The following MGAT4A variants were observed in gnomAD, a reference collection of about 807,000 sequenced individuals.
MGAT4A encodes N-acetylglucosaminyltransferase IVa.
Under a neutral mutation model 74.1 loss-of-function variants are expected in MGAT4A, and 33 were observed. That is an observed-to-expected ratio of 0.45 (90% confidence interval 0.34 to 0.60). MGAT4A has a LOEUF of 0.60. Among genes scored for constraint, MGAT4A ranks in the 20% least tolerant of loss-of-function variants. MGAT4A has a pLI of 0.02. For missense variants in MGAT4A, 479 were observed against 628.3 expected (o/e 0.76, Z 2.54); for synonymous variants, 198 against 210.4 (o/e 0.94, Z 0.51).
chr2:98,672,945 C>G lies in MGAT4A; in HGVS notation c.403+2090G>C, dbSNP rs1159506722. Among the ~76,000 whole-genome samples the G allele has an allele frequency of 2.6e-5, 4 of 152,086 alleles. No homozygotes were observed. In the East Asian group the frequency reaches 7.7e-4, roughly 29 times the overall value. ...AATCATATTCAGTTTGTTCTGCAAACTCAATTTTCTTTAGTATTAAGTCAT... is the reference window on the plus strand; with the variant it reads ...AATCATATTCAGTTTGTTCTGCAAAGTCAATTTTCTTTAGTATTAAGTCAT... On this transcript the variant is annotated intron_variant, in intron 4 of 15. Coordinates refer to ENST00000393487, the MANE Select transcript of MGAT4A (RefSeq NM_012214.3).
chr2:98,636,437 C>T, intron 13 of MGAT4A, 80 bp downstream of exon 13: 1 of 1,073,370 alleles, frequency 9.3e-7, no homozygotes, highest in Non-Finnish European at 1.4e-6. Context: ...TTTTCTTTCC[C>T]CTTAAAAACA....
chr2:98,710,476 T>A (rs1316642428), intron 2 of MGAT4A, among the ~76,000 whole-genome samples: 1 of 152,206 alleles, frequency 6.6e-6, no homozygotes, highest in Non-Finnish European at 1.5e-5. Context: ...TTGTTTTTTG[T>A]TTTGAGACAG....
At position 98,625,514 on chromosome 2, in the gene MGAT4A, C is replaced by T. The variant is rs1463624782; in HGVS notation, c.*52G>A. 6.3e-7 allele frequency: 1 copy of T among 1,599,536 alleles called. No individual in the cohort carries two copies. Among genetic ancestry groups the T allele is most frequent in the African/African-American group, 1.4e-5 (1 of 73,816 alleles). ...AAATAAAAAAAAGATACATGCTTAA[C>T]TATCTTTAATTAACAAATTCACAGG... On this transcript the variant is annotated 3_prime_UTR_variant, in exon 16 of 16. Transcript: ENST00000393487.
At chr2:98,635,858 C>T (rs368551629) in intron 13 of MGAT4A, among the ~76,000 whole-genome samples, 4 of 151,510 alleles carry the variant, frequency 2.6e-5, no homozygotes, top group South Asian at 4.2e-4. Flanking sequence ...CATAGTGCCA[C>T]GCACCTATAC....
chr2:98,714,894 G>A (rs1424587679), intron 2 of MGAT4A, among the ~76,000 whole-genome samples: 1 of 152,046 alleles, frequency 6.6e-6, no homozygotes, highest in Non-Finnish European at 1.5e-5. Context: ...GCCAACTTGA[G>A]GAAGCTCCTA....
rs551752343 is a variant in MGAT4A, at chr2:98,640,282, C to T, written c.1021-54G>A. ...TTGCATCATAAAGTGAAATCTTGCC[C>T]TCACCTGGAAAATGAGAAGTCCTTT... On this transcript the variant is annotated intron_variant, in intron 10 of 15. Coordinates refer to ENST00000393487, the MANE Select transcript of MGAT4A (RefSeq NM_012214.3). 261 of 1,423,726 alleles carry T rather than the reference C, an allele frequency of 1.8e-4. 2 individuals carry two copies. The African/African-American group carries it at 3.4e-3, about 18-fold the overall frequency. 88.2% of individuals were successfully genotyped at this position (1,423,726 alleles called of 1,614,324 possible).
intron 2 of MGAT4A, among the ~76,000 whole-genome samples, chr2:98,686,474 A>C (rs1417876330): frequency 6.6e-6 from 1 of 152,104 alleles, no homozygotes; most frequent in Non-Finnish European, 1.5e-5. Flanking sequence ...CCCCTGACCT[A>C]ATAAACATAA....
chr2:98,660,442 AC>A (rs1701730924), intron 5 of MGAT4A, among the ~76,000 whole-genome samples: 4 of 149,474 alleles, frequency 2.7e-5, no homozygotes, highest in Admixed American at 2.0e-4. Flanking sequence ...ACACACACAC[AC>A]ACACACACAC....
At chr2:98,675,847 C>A (rs916857141) in intron 3 of MGAT4A, among the ~76,000 whole-genome samples, 1 of 152,198 alleles carries the variant, frequency 6.6e-6, no homozygotes, top group Non-Finnish European at 1.5e-5. Context: ...AGCTATCATG[C>A]TCAACCATTC....
chr2:98,620,947 T>C lies in MGAT4A; in HGVS notation c.*4619A>G, dbSNP rs1236288681. On this transcript the variant is annotated 3_prime_UTR_variant, in exon 16 of 16. Coordinates refer to ENST00000393487, the MANE Select transcript of MGAT4A (RefSeq NM_012214.3). ...CCAACAAACGTCCAATGAAGACTAATTGAGATCTCTGGCGAGAACATCCCC... is the reference window on the plus strand; with the variant it reads ...CCAACAAACGTCCAATGAAGACTAACTGAGATCTCTGGCGAGAACATCCCC... The C allele has an allele frequency of 6.6e-6, 1 of 152,650 alleles. No homozygotes were observed. Among genetic ancestry groups the C allele is most frequent in the East Asian group, 1.9e-4 (1 of 5,198 alleles). 9.5% of individuals were successfully genotyped at this position (152,650 alleles called of 1,614,324 possible).
chr2:98,625,004 C>T lies in MGAT4A; in HGVS notation c.*562G>A, dbSNP rs953297208. 3.0e-6 allele frequency: 3 copies of T among 984,080 alleles called. No homozygotes were observed. The African/African-American group carries it at 5.3e-5, about 17-fold the overall frequency. 61.0% of individuals were successfully genotyped at this position (984,080 alleles called of 1,614,324 possible). On this transcript the variant is annotated 3_prime_UTR_variant, in exon 16 of 16. Transcript: ENST00000393487. ...GCATTGGTTTGTAATGTTTGCATTT[C>T]CAAAGAAAAATATAGAAAGAACTTA...
intron 7 of MGAT4A, 184 bp downstream of exon 7, chr2:98,656,168 T>C (rs1701657907): frequency 1.9e-6 from 1 of 518,552 alleles, no homozygotes; most frequent in African/African-American, 2.0e-5. Flanking sequence ...AAGCTAATAT[T>C]AAGTTTTTAC....
At chr2:98,728,929 A>AT in intron 1 of MGAT4A, among the ~76,000 whole-genome samples, 1 of 152,280 alleles carries the variant, frequency 6.6e-6, no homozygotes, top group South Asian at 2.1e-4. Flanking sequence ...ACTTAGCCCT[A>AT]TTTTACTTGA....
intron 4 of MGAT4A, among the ~76,000 whole-genome samples, chr2:98,672,592 T>C (rs1701926045): frequency 6.6e-6 from 1 of 152,244 alleles, no homozygotes; most frequent in Non-Finnish European, 1.5e-5. Context: ...TTCTATAAGC[T>C]GGTAATTCCC....
chr2:98,721,665 G>C (rs1010718806), intron 2 of MGAT4A, among the ~76,000 whole-genome samples: 4 of 151,948 alleles, frequency 2.6e-5, no homozygotes, highest in Admixed American at 2.6e-4. Flanking sequence ...ACCTACATAG[G>C]AGCAACACTC....
At chr2:98,701,226 T>C (rs882164) in intron 2 of MGAT4A, among the ~76,000 whole-genome samples, 40,627 of 152,112 alleles carry the variant, frequency 0.27, 6,344 homozygotes, top group Non-Finnish European at 0.36. Context: ...ATTTAGTTCA[T>C]TGGTATTTTA....
At chr2:98,694,162 G>A (rs1185499574) in intron 2 of MGAT4A, 2 of 153,282 alleles carry the variant, frequency 1.3e-5, no homozygotes, top group Non-Finnish European at 2.9e-5. Flanking sequence ...CCACCTACAC[G>A]AAGGCCATGA....
At chr2:98,635,539 A>G (rs1701306495) in intron 13 of MGAT4A, among the ~76,000 whole-genome samples, 1 of 152,222 alleles carries the variant, frequency 6.6e-6, no homozygotes, top group Admixed American at 6.5e-5. Context: ...TAAACAGAAC[A>G]GTATTTTCTA....
chr2:98,695,883 T>G (rs556572807), intron 2 of MGAT4A, among the ~76,000 whole-genome samples: 1 of 151,088 alleles, frequency 6.6e-6, no homozygotes, highest in Non-Finnish European at 1.5e-5. Context: ...AACTTCTTTT[T>G]TTTTTTTTTT....
Sources: allele counts gnomAD v4.1 joint callset (sites outside exome capture counted in the v4.1 genomes callset), GRCh38; gene constraint gnomAD v4.1.1; transcripts MANE v1.5; gene names NCBI Gene and HGNC (gene_info 2026-07-23, HGNC 2026-07-21).